Variants in IMMP2L observed in about 807,000 individuals in gnomAD.
IMMP2L encodes inner mitochondrial membrane peptidase subunit 2, also known as mitochondrial inner membrane protease subunit 2.
In IMMP2L, 18 loss-of-function variants were observed where a neutral mutation model predicts 19.3. The observed-to-expected ratio is 0.93, with a 90% CI of 0.64 to 1.38. The LOEUF (loss-of-function observed/expected upper bound fraction) is 1.38. Among genes scored for constraint, IMMP2L ranks in the 40% most tolerant of loss-of-function variants. The pLI is 0.00. For missense variants in IMMP2L, 233 were observed against 218.2 expected, an observed-to-expected ratio of 1.07 and a Z score of -0.43; for synonymous variants, 76 against 73.0, an observed-to-expected ratio of 1.04 and a Z score of -0.21.
At chr7:110,748,818 C>T (rs1797537042) in intron 5 of IMMP2L, among the ~76,000 whole-genome samples, 3 of 152,174 alleles carry the variant, frequency 2.0e-5, no homozygotes, top group African/African-American at 7.2e-5. Flanking sequence ...CTAGCCAATA[C>T]CATTCAGGAC....
intron 5 of IMMP2L, among the ~76,000 whole-genome samples, chr7:110,814,349 A>T (rs995477778): frequency 6.6e-6 from 1 of 151,836 alleles, no homozygotes; most frequent in East Asian, 1.9e-4. Flanking sequence ...TTTTATTATG[A>T]CTAAACAATA....
intron 3 of IMMP2L, among the ~76,000 whole-genome samples, chr7:111,484,543 C>T (rs1222394103): frequency 6.6e-6 from 1 of 152,068 alleles, no homozygotes; most frequent in Non-Finnish European, 1.5e-5. Flanking sequence ...TTTTAATATA[C>T]ACTTCTGTAT....
intron 3 of IMMP2L, among the ~76,000 whole-genome samples, chr7:111,063,630 C>T (rs1039632671): frequency 2.6e-5 from 4 of 152,188 alleles, no homozygotes; most frequent in Non-Finnish European, 2.9e-5. Flanking sequence ...TTTAACAGCA[C>T]CCAAATCATC....
chr7:111,462,240 T>G (rs1478250502), intron 3 of IMMP2L, among the ~76,000 whole-genome samples: 3 of 152,082 alleles, frequency 2.0e-5, no homozygotes, highest in Non-Finnish European at 4.4e-5. Flanking sequence ...GTCTCCCAAT[T>G]GGATACATCT....
chr7:110,693,807 G>A (rs923249848), intron 5 of IMMP2L, among the ~76,000 whole-genome samples: 1 of 152,150 alleles, frequency 6.6e-6, no homozygotes, highest in African/African-American at 2.4e-5. Context: ...AAAGCCCCTG[G>A]AACTCTTGCA....
chr7:111,395,020 C>T (rs767875207), intron 3 of IMMP2L: 13 of 236,520 alleles, frequency 5.5e-5, no homozygotes, highest in South Asian at 3.2e-4. Context: ...TGCAGCTGTT[C>T]GCCACCTGAT....
At chr7:111,224,779 C>G (rs1791599086) in intron 3 of IMMP2L, among the ~76,000 whole-genome samples, 1 of 152,218 alleles carries the variant, frequency 6.6e-6, no homozygotes, top group African/African-American at 2.4e-5. Flanking sequence ...GGTGGGAGAA[C>G]TGCTAGCAGC....
intron 3 of IMMP2L, among the ~76,000 whole-genome samples, chr7:111,399,245 T>C (rs576281072): frequency 1.3e-5 from 2 of 152,260 alleles, no homozygotes; most frequent in Admixed American, 6.5e-5. Flanking sequence ...TGTAAGGCCA[T>C]AGTCATCAAA....
At chr7:110,809,855 CT>C (rs1192231564) in intron 5 of IMMP2L, among the ~76,000 whole-genome samples, 2 of 152,018 alleles carry the variant, frequency 1.3e-5, no homozygotes, top group African/African-American at 4.8e-5. Context: ...CGAAAATAAT[CT>C]AAGAATATAA....
intron 2 of IMMP2L, among the ~76,000 whole-genome samples, chr7:111,508,528 G>A (rs1845146783): frequency 1.3e-5 from 2 of 152,120 alleles, no homozygotes; most frequent in South Asian, 4.1e-4. Context: ...GGCGAAAAAG[G>A]AAAGCTTTCA....
intron 4 of IMMP2L, among the ~76,000 whole-genome samples, chr7:110,898,920 A>G (rs530218822): frequency 2.1e-4 from 32 of 151,632 alleles, no homozygotes; most frequent in African/African-American, 6.8e-4. Context: ...TTGTGCTCCT[A>G]TTTCAGAGTT....
intron 4 of IMMP2L, among the ~76,000 whole-genome samples, chr7:110,949,486 A>G (rs1817574207): frequency 6.6e-6 from 1 of 152,230 alleles, no homozygotes; most frequent in African/African-American, 2.4e-5. Flanking sequence ...TTCCAAGTTA[A>G]GGAAATGAAA....
intron 3 of IMMP2L, among the ~76,000 whole-genome samples, chr7:111,263,747 G>A (rs76971919): frequency 0.043 from 6,502 of 152,184 alleles, 204 homozygotes; most frequent in South Asian, 0.082. Flanking sequence ...AAAAGGAAGA[G>A]GAGTAAGCAA....
intron 1 of IMMP2L, among the ~76,000 whole-genome samples, chr7:111,537,668 G>A (rs117816371): frequency 0.053 from 8,000 of 150,926 alleles, 304 homozygotes; most frequent in Middle Eastern, 0.092. Context: ...CCCAAGTAGC[G>A]GGAACCACAG....
At chr7:110,700,218 AC>A (rs1438362344) in intron 5 of IMMP2L, among the ~76,000 whole-genome samples, 2 of 152,140 alleles carry the variant, frequency 1.3e-5, no homozygotes. Context: ...TCACAAAAAA[AC>A]TAACACCCCG....
intron 3 of IMMP2L, among the ~76,000 whole-genome samples, chr7:111,134,506 T>G (rs1318103185): frequency 6.6e-6 from 1 of 152,002 alleles, no homozygotes; most frequent in East Asian, 1.9e-4. Flanking sequence ...GAGTAAAAAG[T>G]GCATTATGTC....
intron 3 of IMMP2L, among the ~76,000 whole-genome samples, chr7:111,036,476 A>T (rs924466778): frequency 6.6e-6 from 1 of 152,212 alleles, no homozygotes; most frequent in Admixed American, 6.5e-5. Context: ...TTAATATGAC[A>T]TTATAAATTT....
intron 5 of IMMP2L, among the ~76,000 whole-genome samples, chr7:110,845,089 T>C (rs566429391): frequency 6.6e-6 from 1 of 152,160 alleles, no homozygotes; most frequent in Non-Finnish European, 1.5e-5. Flanking sequence ...AAAAAGCAGC[T>C]GCTTCCTTGC....
intron 2 of IMMP2L, among the ~76,000 whole-genome samples, chr7:111,504,993 G>GTT (rs1844727861): frequency 6.6e-6 from 1 of 152,018 alleles, no homozygotes. Context: ...AAACTAAAGA[G>GTT]CTTCTGCACA....
Sources: allele counts gnomAD v4.1 joint callset (sites outside exome capture counted in the v4.1 genomes callset), GRCh38; gene constraint gnomAD v4.1.1; transcripts MANE v1.5; gene names NCBI Gene and HGNC (gene_info 2026-07-23, HGNC 2026-07-21).